Variants in DNAJC27 observed in about 807,000 individuals in gnomAD.
DNAJC27 encodes dnaJ homolog subfamily C member 27.
DNAJC27 carries 25 observed loss-of-function variants against 31.4 expected under a neutral mutation model. That is an observed-to-expected ratio of 0.80 (90% CI 0.58 to 1.11). The LOEUF is 1.11. Ranked by LOEUF, DNAJC27 falls within the 50% of genes most tolerant of loss-of-function variation. The probability of loss-of-function intolerance (pLI) is 0.00; values close to 1 mark genes in which losing one functional copy is unlikely to be tolerated. For missense variants in DNAJC27, 356 were observed against 347.3 expected, an observed-to-expected ratio of 1.02 and a Z score of -0.20; for synonymous variants, 106 against 112.7, an observed-to-expected ratio of 0.94 and a Z score of 0.37.
chr2:24,963,313 G>A (rs1666094250), intron 3 of DNAJC27, 92 bp downstream of exon 3: 3 of 976,576 alleles, frequency 3.1e-6, no homozygotes, highest in South Asian at 1.7e-5. Flanking sequence ...TTTTACACAT[G>A]ATATCAATAT....
At chr2:24,965,544 C>A (rs1329532303) in intron 2 of DNAJC27, among the ~76,000 whole-genome samples, 1 of 152,162 alleles carries the variant, frequency 6.6e-6, no homozygotes, top group Non-Finnish European at 1.5e-5. Flanking sequence ...GCATGAGCCA[C>A]CGTGCCAAGC....
chr2:24,972,010 C>T (rs1200397057), upstream of DNAJC27: 2 of 816,586 alleles, frequency 2.4e-6, no homozygotes, highest in East Asian at 3.4e-5. Flanking sequence ...CTCGTCACCG[C>T]CTCGCCTCCG....
At chr2:24,961,389 T>A (rs1049163027) in intron 3 of DNAJC27, among the ~76,000 whole-genome samples, 1 of 152,212 alleles carries the variant, frequency 6.6e-6, no homozygotes, top group Non-Finnish European at 1.5e-5. Context: ...AAAGCTGTTT[T>A]TATTATGCCT....
chr2:24,957,233 G>C, intron 4 of DNAJC27, 68 bp from the exon 5 acceptor site: 1 of 1,494,442 alleles, frequency 6.7e-7, no homozygotes, highest in Non-Finnish European at 8.9e-7. Context: ...GACCCAGTGA[G>C]GGTCTCTGTC....
Position 24,953,571 on chromosome 2 carries a change from C to A in DNAJC27, c.529-2017G>T, listed in dbSNP as rs374756479. Reference sequence around the variant, plus strand: ...TTACTTATAGAATACTGTAATTATTCTCTTCTTGTTAGCTTTTTTTTTTTA... The same window carrying A: ...TTACTTATAGAATACTGTAATTATTATCTTCTTGTTAGCTTTTTTTTTTTA... On this transcript the variant is annotated intron_variant, in intron 5 of 6. Coordinates refer to ENST00000264711, the MANE Select transcript of DNAJC27 (RefSeq NM_016544.3). 7 of 391,056 alleles carry A rather than the reference C, an allele frequency of 1.8e-5. No homozygotes were observed. In the South Asian group the frequency reaches 7.5e-4, roughly 42 times the overall value. The allele number at this position is 391,056 out of a possible 1,614,324, so 24.2% of individuals were successfully genotyped here.
chr2:24,961,633 C>T (rs1326377936), intron 3 of DNAJC27, among the ~76,000 whole-genome samples: 1 of 151,804 alleles, frequency 6.6e-6, no homozygotes, highest in Non-Finnish European at 1.5e-5. Flanking sequence ...AAGTTGATTC[C>T]AACCCTTACA....
rs1665773017 is a variant in DNAJC27 at position 24,951,489 on chromosome 2, A to C, written c.594T>G (p.Ser198Arg). Residue 198 changes from serine to arginine, a missense_variant, in exon 6 of 7, where the codon AGT (serine) becomes AGG (arginine). Coordinates refer to ENST00000264711, the MANE Select transcript of DNAJC27 (RefSeq NM_016544.3). The stretch of plus-strand genomic sequence containing the variant: ...CTGCTTGTTCTTTGGTGAAACTAGC[A>C]CTGCTATTGGTGGTAGGGCGTTTCC... ...NGGKRPTTNS[S>R]ASFTKEQADA... 6.2e-7 allele frequency: 1 copy of C among 1,613,718 alleles called. No individual in the cohort carries two copies. Among genetic ancestry groups the C allele is most frequent in the African/African-American group, 1.3e-5 (1 of 74,918 alleles).
At position 24,965,120 on chromosome 2, in the gene DNAJC27, C is replaced by T. The variant is rs562063533; in HGVS notation, c.171-1646G>A. ...ACTTGGGAGGCTGAGGCAGGAGAAT[C>T]GCTTAAACCCGGGAGGCGGAAGTTG... On this transcript the variant is annotated intron_variant, in intron 2 of 6. Coordinates refer to ENST00000264711, the MANE Select transcript of DNAJC27 (RefSeq NM_016544.3). Among the ~76,000 whole-genome samples, 355 of 151,612 alleles carry T rather than the reference C, an allele frequency of 2.3e-3. 2 individuals carry two copies. The highest frequency in any genetic ancestry group is 8.1e-3 in the African/African-American group (334 of 41,342).
Position 24,944,558 on chromosome 2 carries a change from G to C in DNAJC27, c.*3058C>G, listed in dbSNP as rs1399599525. On this transcript the variant is annotated 3_prime_UTR_variant, in exon 7 of 7. Transcript: ENST00000264711. ...GAACATACTAGAGTAAGTTTCCTGA[G>C]GTAAAAGTATGCCTTAAAGAATGAT... The C allele has an allele frequency of 6.6e-6, 1 of 152,470 alleles. No individual in the cohort carries two copies. Among genetic ancestry groups the C allele is most frequent in the Non-Finnish European group, 1.5e-5 (1 of 68,014 alleles). The allele number at this position is 152,470 out of a possible 1,614,324, so 9.4% of individuals were successfully genotyped here.
At chr2:24,968,876 A>AT (rs1416361125) in intron 1 of DNAJC27, 13 of 152,634 alleles carry the variant, frequency 8.5e-5, no homozygotes, top group Non-Finnish European at 1.6e-4. Context: ...CTTAAAAAAA[A>AT]TTTTTTTTTA....
intron 6 of DNAJC27, among the ~76,000 whole-genome samples, chr2:24,949,912 G>T (rs1167762329): frequency 6.7e-6 from 1 of 149,126 alleles, no homozygotes; most frequent in East Asian, 1.9e-4. Flanking sequence ...CAGATTCAGT[G>T]CAATCTTACT....
chr2:24,957,900 G>C lies in DNAJC27; in HGVS notation c.315C>G (p.Asp105Glu). ...VYDVGQKDSFDALDAWLAEMK... is the reference protein window; with the variant it reads ...VYDVGQKDSFEALDAWLAEMK... ...TTTCTGCCAGCCACGCATCAAGGGC[G>C]TCAAAGGAGTCTTTCTGCCCAACAT... The change falls in exon 4 of 7, where the codon GAC (aspartate) becomes GAG (glutamate). Residue 105 changes from aspartate (D) to glutamate (E), a missense_variant. Physicochemically the swap from Asp to Glu is conservative, Grantham distance 45. Coordinates refer to ENST00000264711, the MANE Select transcript of DNAJC27 (RefSeq NM_016544.3). The C allele has an allele frequency of 6.2e-7, 1 of 1,614,142 alleles. No individual in the cohort carries two copies. The highest frequency in any genetic ancestry group is 8.5e-7 in the Non-Finnish European group (1 of 1,179,958).
intron 3 of DNAJC27, among the ~76,000 whole-genome samples, chr2:24,959,645 C>T (rs1573113606): frequency 1.3e-5 from 2 of 152,314 alleles, no homozygotes; most frequent in East Asian, 3.9e-4. Context: ...TCTCTCATTC[C>T]CCAAACTTGC....
intron 6 of DNAJC27, 92 bp downstream of exon 6, chr2:24,951,302 C>G (rs1324291867): frequency 1.1e-5 from 14 of 1,273,636 alleles, no homozygotes; most frequent in Non-Finnish European, 1.5e-5. Flanking sequence ...GTATTTCCAG[C>G]CAACTGGAGG....
chr2:24,970,714 C>A (rs1204372899), intron 1 of DNAJC27, among the ~76,000 whole-genome samples: 2 of 151,674 alleles, frequency 1.3e-5, no homozygotes, highest in African/African-American at 4.8e-5. Flanking sequence ...CTCGTCCTCC[C>A]AAAGTGCTGA....
chr2:24,964,182 A>T (rs1666119348), intron 2 of DNAJC27, among the ~76,000 whole-genome samples: 1 of 152,120 alleles, frequency 6.6e-6, no homozygotes, highest in Non-Finnish European at 1.5e-5. Flanking sequence ...GCACTGTGGG[A>T]GGCCGAGATG....
chr2:24,956,994 G>A, intron 5 of DNAJC27, 49 bp downstream of exon 5: 2 of 1,564,846 alleles, frequency 1.3e-6, no homozygotes, highest in Admixed American at 2.1e-5. Flanking sequence ...ACTGAAAATT[G>A]GCACAGTGGC....
At chr2:24,970,270 G>A (rs1666294887) in intron 1 of DNAJC27, among the ~76,000 whole-genome samples, 1 of 151,760 alleles carries the variant, frequency 6.6e-6, no homozygotes, top group Admixed American at 6.6e-5. Context: ...TTCTCTTTGG[G>A]TTTCCAGGTA....
At position 24,957,234 on chromosome 2, in the gene DNAJC27, G is replaced by A. The variant is rs1487428542; in HGVS notation, c.406-69C>T. 2.7e-6 allele frequency: 4 copies of A among 1,486,868 alleles called. No individual in the cohort carries two copies. The Admixed American group carries it at 7.4e-5, about 27-fold the overall frequency. The allele number at this position is 1,486,868 out of a possible 1,614,324, so 92.1% of individuals were successfully genotyped here. ...GTCCTACTAGAATGGACCCAGTGAGGGTCTCTGTCAATCCTTTACTAAGGC... is the reference window on the plus strand; with the variant it reads ...GTCCTACTAGAATGGACCCAGTGAGAGTCTCTGTCAATCCTTTACTAAGGC... On this transcript the variant is annotated intron_variant, in intron 4 of 6. Transcript: ENST00000264711.
Sources: gnomAD v4.1 joint callset for allele counts (sites outside exome capture counted in the v4.1 genomes callset) on GRCh38, gnomAD v4.1.1 for gene constraint, MANE v1.5 for transcripts, NCBI Gene and HGNC (gene_info 2026-07-23, HGNC 2026-07-21) for gene names.